Variants in XRRA1 observed in about 807,000 individuals in gnomAD.
The protein encoded by XRRA1 is X-ray radiation resistance associated 1.
XRRA1 carries 69 observed loss-of-function variants against 80.2 expected under a neutral mutation model. That is an observed-to-expected ratio of 0.86 (90% CI 0.71 to 1.05). The LOEUF (loss-of-function observed/expected upper bound fraction) is 1.05. Among genes scored for constraint, XRRA1 ranks in the 50% least tolerant of loss-of-function variants. XRRA1 has a pLI of 0.00. For missense variants in XRRA1, 967 were observed against 976.4 expected (o/e 0.99, Z 0.13); for synonymous variants, 348 against 389.9 (o/e 0.89, Z 1.27).
At position 74,939,841 on chromosome 11, in the gene XRRA1, CAT is replaced by C. The variant is rs769626456; in HGVS notation, c.94+942_94+943del. ...TGTGTGTCTGTGTGTGAGAGAGTGA[CAT>C]AGAGAGAGAGAGAGAGAGAGCGAGA... On this transcript the variant is annotated intron_variant, in intron 3 of 18. Coordinates refer to ENST00000684022, the MANE Select transcript of XRRA1 (RefSeq NM_001378157.1). 9.1e-5 allele frequency among the ~76,000 whole-genome samples: 11 copies of C among 120,646 alleles called. No individual in the cohort carries two copies. The South Asian group carries it at 1.1e-3, about 12-fold the overall frequency. The allele number at this position is 120,646 out of a possible 152,430, so 79.1% of individuals were successfully genotyped here.
chr11:74,933,035 T>C (rs1338206645), intron 5 of XRRA1, among the ~76,000 whole-genome samples: 2 of 152,196 alleles, frequency 1.3e-5, no homozygotes. Flanking sequence ...AAGCTGCCTA[T>C]AAGCCAATAC....
At chr11:74,876,705 C>T (rs969642777) in intron 10 of XRRA1, 2 of 152,122 alleles carry the variant, frequency 1.3e-5, no homozygotes, top group African/African-American at 2.4e-5. Context: ...GAGAGAGCAA[C>T]CCCAGACAGC....
At chr11:74,858,630 T>A (rs2041661821) in intron 12 of XRRA1, among the ~76,000 whole-genome samples, 1 of 152,174 alleles carries the variant, frequency 6.6e-6, no homozygotes, top group Admixed American at 6.5e-5. Context: ...TATCTGCTGT[T>A]CCCCTTAGGC....
chr11:74,920,170 T>C (rs1488109338), intron 8 of XRRA1: 1 of 153,310 alleles, frequency 6.5e-6, no homozygotes, highest in East Asian at 1.9e-4. Flanking sequence ...AGCCAAAGCA[T>C]CCAGCAGACT....
chr11:74,918,109 GA>G (rs1393849606), intron 8 of XRRA1, among the ~76,000 whole-genome samples: 1 of 152,094 alleles, frequency 6.6e-6, no homozygotes, highest in Non-Finnish European at 1.5e-5. Flanking sequence ...AGACCCTTCA[GA>G]AGTGAAGGTT....
intron 10 of XRRA1, among the ~76,000 whole-genome samples, chr11:74,893,674 C>G (rs1042637195): frequency 6.6e-6 from 1 of 151,166 alleles, no homozygotes; most frequent in African/African-American, 2.4e-5. Context: ...AAATGCAAAT[C>G]AAAACCATAA....
chr11:74,920,203 A>G (rs117224196), intron 8 of XRRA1, among the ~76,000 whole-genome samples: 49 of 152,290 alleles, frequency 3.2e-4, no homozygotes, highest in Non-Finnish European at 6.0e-4. Flanking sequence ...TTTCACATAC[A>G]TGAACCAATA....
At chr11:74,856,603 T>C (rs1423673729) in intron 12 of XRRA1, among the ~76,000 whole-genome samples, 1 of 152,068 alleles carries the variant, frequency 6.6e-6, no homozygotes, top group Non-Finnish European at 1.5e-5. Context: ...CAGGTAAAAA[T>C]TTTAGTGAAT....
intron 10 of XRRA1, among the ~76,000 whole-genome samples, chr11:74,867,500 A>C (rs1167882366): frequency 1.3e-5 from 2 of 152,228 alleles, no homozygotes; most frequent in Non-Finnish European, 2.9e-5. Flanking sequence ...CTGGCTCTTC[A>C]AAATAACTCA....
At chr11:74,930,199 T>C (rs2139380421) in intron 6 of XRRA1, 101 bp downstream of exon 6, 1 of 988,090 alleles carries the variant, frequency 1.0e-6, no homozygotes, top group South Asian at 1.5e-5. Flanking sequence ...AAAAGAGATG[T>C]GTGGCCAATC....
chr11:74,925,915 A>C (rs192422771), intron 7 of XRRA1, among the ~76,000 whole-genome samples: 2 of 152,356 alleles, frequency 1.3e-5, no homozygotes, highest in East Asian at 3.9e-4. Flanking sequence ...AGTTCTTAAG[A>C]AGCTCCCAGG....
At chr11:74,856,299 A>G (rs953832080) in intron 12 of XRRA1, among the ~76,000 whole-genome samples, 1 of 152,244 alleles carries the variant, frequency 6.6e-6, no homozygotes, top group African/African-American at 2.4e-5. Context: ...CAATAGACAA[A>G]AAGATATAAT....
chr11:74,885,894 C>T (rs549650286), intron 10 of XRRA1, among the ~76,000 whole-genome samples: 21 of 152,262 alleles, frequency 1.4e-4, no homozygotes, highest in South Asian at 2.1e-4. Context: ...TCCTGGGATG[C>T]AAGGTTGGTT....
chr11:74,842,933 G>A lies in XRRA1; in HGVS notation c.*267C>T, dbSNP rs2036792920. The A allele has an allele frequency of 2.2e-6, 1 of 456,630 alleles. No homozygotes were observed. Among genetic ancestry groups the A allele is most frequent in the South Asian group, 4.7e-5 (1 of 21,082 alleles). The allele number at this position is 456,630 out of a possible 1,614,324, so 28.3% of individuals were successfully genotyped here. On this transcript the variant is annotated 3_prime_UTR_variant, in exon 19 of 19. Coordinates refer to ENST00000684022, the MANE Select transcript of XRRA1 (RefSeq NM_001378157.1). ...AGTGTGACAATGCTGCTGTGGCCTG[G>A]GTTCCAAGAAAGAATGCATGTGGCA...
At chr11:74,881,187 T>G (rs1296338863) in intron 10 of XRRA1, among the ~76,000 whole-genome samples, 1 of 150,976 alleles carries the variant, frequency 6.6e-6, no homozygotes, top group Non-Finnish European at 1.5e-5. Flanking sequence ...TAGCTCTTCT[T>G]GTTGAATTGA....
chr11:74,904,194 G>A (rs2054103050), intron 10 of XRRA1, among the ~76,000 whole-genome samples: 1 of 152,172 alleles, frequency 6.6e-6, no homozygotes, highest in Admixed American at 6.5e-5. Flanking sequence ...GGGAAGTGAT[G>A]GGAGTAGGGT....
chr11:74,921,407 A>G, intron 7 of XRRA1, 60 bp from the exon 8 acceptor site: 1 of 1,598,632 alleles, frequency 6.3e-7, no homozygotes, highest in Non-Finnish European at 8.6e-7. Context: ...CAATGCTCAT[A>G]TATGATGTGG....
At chr11:74,864,660 G>C (rs1454696081) in intron 10 of XRRA1, among the ~76,000 whole-genome samples, 4 of 152,214 alleles carry the variant, frequency 2.6e-5, no homozygotes, top group Non-Finnish European at 5.9e-5. Flanking sequence ...GGTCCAGAAG[G>C]AGTAGTGCAC....
chr11:74,918,676 A>G (rs780153695), intron 8 of XRRA1, among the ~76,000 whole-genome samples: 1 of 152,056 alleles, frequency 6.6e-6, no homozygotes, highest in African/African-American at 2.4e-5. Flanking sequence ...GTGTTCTTCT[A>G]TGTATTGTAG....
Sources: allele counts gnomAD v4.1 joint callset (sites outside exome capture counted in the v4.1 genomes callset), GRCh38; gene constraint gnomAD v4.1.1; transcripts MANE v1.5; gene names NCBI Gene and HGNC (gene_info 2026-07-23, HGNC 2026-07-21).